SYT1: variants seen among roughly 807,000 people sequenced by gnomAD.
SYT1 encodes the protein synaptotagmin 1.
SYT1 carries 8 observed loss-of-function variants against 44.8 expected under a neutral mutation model. The observed-to-expected ratio is 0.18, with a 90% confidence interval of 0.10 to 0.32. SYT1 has a LOEUF of 0.32. Ranked by LOEUF, SYT1 falls within the 10% of genes least tolerant of loss-of-function variation. The probability of loss-of-function intolerance (pLI) is 1.00; values close to 1 mark genes in which losing one functional copy is unlikely to be tolerated. For synonymous variants in SYT1, 154 were observed against 188.8 expected (o/e 0.82, Z 1.51); for missense variants, 286 against 509.3 (o/e 0.56, Z 4.22).
At chr12:78,994,712 T>C (rs1202136274) in intron 2 of SYT1, among the ~76,000 whole-genome samples, 1 of 151,838 alleles carries the variant, frequency 6.6e-6, no homozygotes, top group Non-Finnish European at 1.5e-5. Context: ...ATTTTTTGTA[T>C]TTTTAGTAGA....
intron 1 of SYT1, among the ~76,000 whole-genome samples, chr12:78,941,979 T>G (rs570927765): frequency 1.1e-4 from 17 of 152,346 alleles, no homozygotes; most frequent in African/African-American, 4.1e-4. Flanking sequence ...CACTGTCTTC[T>G]AATCATTGAG....
At chr12:79,223,745 G>A (rs1875315321) in intron 4 of SYT1, among the ~76,000 whole-genome samples, 1 of 152,132 alleles carries the variant, frequency 6.6e-6, no homozygotes, top group Admixed American at 6.5e-5. Context: ...CTGAAGCCTG[G>A]GGCTTTATGG....
chr12:78,901,999 A>T (rs186059536), intron 1 of SYT1, among the ~76,000 whole-genome samples: 1 of 151,980 alleles, frequency 6.6e-6, no homozygotes, highest in Admixed American at 6.6e-5. Flanking sequence ...GAACACATGG[A>T]CACAGGGAGG....
intron 3 of SYT1, among the ~76,000 whole-genome samples, chr12:79,197,524 G>T (rs540445967): frequency 3.6e-4 from 54 of 152,054 alleles, no homozygotes; most frequent in African/African-American, 1.3e-3. Context: ...AAATAATCAA[G>T]AACATTTCAT....
intron 1 of SYT1, among the ~76,000 whole-genome samples, chr12:78,903,326 C>T (rs982432364): frequency 6.6e-6 from 1 of 151,634 alleles, no homozygotes; most frequent in Non-Finnish European, 1.5e-5. Flanking sequence ...CACTGTGTCG[C>T]TCAGGCTGGA....
chr12:78,947,371 G>A (rs1320155183), intron 1 of SYT1, among the ~76,000 whole-genome samples: 2 of 151,870 alleles, frequency 1.3e-5, no homozygotes, highest in African/African-American at 2.4e-5. Context: ...TGTGCGCATC[G>A]TGACCTAGAA....
intron 3 of SYT1, among the ~76,000 whole-genome samples, chr12:79,085,432 T>C (rs936919053): frequency 3.3e-5 from 5 of 152,108 alleles, no homozygotes; most frequent in Admixed American, 3.3e-4. Flanking sequence ...CTTCTGGTTT[T>C]TAAGTCATCC....
At chr12:79,348,101 G>A (rs760408260) in intron 8 of SYT1, among the ~76,000 whole-genome samples, 1 of 152,116 alleles carries the variant, frequency 6.6e-6, no homozygotes, top group South Asian at 2.1e-4. Context: ...GATCATATCA[G>A]GCCTTTTAGT....
intron 2 of SYT1, among the ~76,000 whole-genome samples, chr12:78,992,825 G>A (rs1385036823): frequency 1.3e-5 from 2 of 152,128 alleles, no homozygotes; most frequent in Non-Finnish European, 2.9e-5. Flanking sequence ...TCATGTGGGT[G>A]TAATAAGTAA....
intron 2 of SYT1, among the ~76,000 whole-genome samples, chr12:79,000,262 A>G (rs1289459827): frequency 2.1e-5 from 3 of 145,788 alleles, no homozygotes; most frequent in Non-Finnish European, 4.5e-5. Flanking sequence ...TTTAAAAATG[A>G]CTTTTTAGAA....
At chr12:79,372,472 A>C (rs984193246) in intron 9 of SYT1, among the ~76,000 whole-genome samples, 5 of 152,170 alleles carry the variant, frequency 3.3e-5, no homozygotes, top group Non-Finnish European at 7.4e-5. Context: ...TATGATGGAC[A>C]CTCAGGATTG....
At chr12:79,047,211 A>C (rs1874135422) in intron 2 of SYT1, 86 bp from the exon 3 acceptor site, 1 of 151,624 alleles carries the variant, frequency 6.6e-6, no homozygotes, top group Non-Finnish European at 1.5e-5. Flanking sequence ...AGAAATATTA[A>C]ATAATAAAAT....
intron 8 of SYT1, among the ~76,000 whole-genome samples, chr12:79,317,441 G>T (rs1012402926): frequency 6.6e-6 from 1 of 152,024 alleles, no homozygotes; most frequent in Non-Finnish European, 1.5e-5. Flanking sequence ...CCCTGGGACG[G>T]GCCACAGCAA....
At chr12:79,337,073 T>TC in intron 8 of SYT1, among the ~76,000 whole-genome samples, 1 of 150,964 alleles carries the variant, frequency 6.6e-6, no homozygotes, top group African/African-American at 2.5e-5. Context: ...TTGGTTCCCC[T>TC]CCCCCCAGTG....
At chr12:79,161,003 C>T (rs1488937959) in intron 3 of SYT1, among the ~76,000 whole-genome samples, 1 of 152,058 alleles carries the variant, frequency 6.6e-6, no homozygotes, top group Non-Finnish European at 1.5e-5. Context: ...GAGTTCCAGG[C>T]AGGTGGATCG....
At chr12:78,873,587 G>A (rs1168714842) in intron 1 of SYT1, among the ~76,000 whole-genome samples, 2 of 151,564 alleles carry the variant, frequency 1.3e-5, no homozygotes, top group Non-Finnish European at 3.0e-5. Flanking sequence ...ATAGTTCCAA[G>A]CCACCAAGTA....
chr12:79,130,420 A>G (rs921392018), intron 3 of SYT1, among the ~76,000 whole-genome samples: 3 of 152,184 alleles, frequency 2.0e-5, no homozygotes, highest in South Asian at 2.1e-4. Context: ...GAGTCTCACC[A>G]TCGTATTGTT....
chr12:78,925,725 T>C (rs558713626), intron 1 of SYT1, among the ~76,000 whole-genome samples: 1 of 152,110 alleles, frequency 6.6e-6, no homozygotes, highest in South Asian at 2.1e-4. Flanking sequence ...AAATCTAATA[T>C]AGCTATTCAT....
intron 3 of SYT1, among the ~76,000 whole-genome samples, chr12:79,213,050 A>C (rs1456770572): frequency 2.0e-5 from 3 of 152,150 alleles, no homozygotes; most frequent in Non-Finnish European, 2.9e-5. Context: ...TATGTCCTTT[A>C]TTTTAGTGGT....
Sources: gnomAD v4.1 joint callset for allele counts (sites outside exome capture counted in the v4.1 genomes callset) on GRCh38, gnomAD v4.1.1 for gene constraint, MANE v1.5 for transcripts, NCBI Gene and HGNC (gene_info 2026-07-23, HGNC 2026-07-21) for gene names.